The following SLC22A4 variants were observed in gnomAD, a reference collection of about 807,000 sequenced individuals.
SLC22A4 encodes solute carrier family 22 member 4, also known as ET transporter.
SLC22A4 carries 39 observed loss-of-function variants against 56.6 expected under a neutral mutation model. The ratio of observed to expected loss-of-function variants is 0.69; its 90% CI spans 0.53 to 0.90. SLC22A4 has a LOEUF of 0.90. Ranked by LOEUF, SLC22A4 falls within the 40% of genes least tolerant of loss-of-function variation. The pLI, the probability that SLC22A4 is intolerant of heterozygous loss-of-function variation, is 0.00. For synonymous variants in SLC22A4, 241 were observed against 281.4 expected (o/e 0.86, Z 1.44); for missense variants, 594 against 696.5 (o/e 0.85, Z 1.66).
intron 1 of SLC22A4, among the ~76,000 whole-genome samples, chr5:132,299,290 G>A (rs1344999412): frequency 6.6e-6 from 1 of 152,200 alleles, no homozygotes; most frequent in Admixed American, 6.5e-5. Flanking sequence ...GAGTGCATTC[G>A]TCTGTGTGTG....
chr5:132,298,906 G>A (rs1162297783), intron 1 of SLC22A4, among the ~76,000 whole-genome samples: 1 of 152,218 alleles, frequency 6.6e-6, no homozygotes, highest in African/African-American at 2.4e-5. Flanking sequence ...ACTTGCTGGA[G>A]GCTGAGCCCC....
chr5:132,321,005 G>C (rs1295458326), intron 3 of SLC22A4: 1 of 152,226 alleles, frequency 6.6e-6, no homozygotes, highest in Non-Finnish European at 1.5e-5. Context: ...AAGGAGCTTT[G>C]TTCTTGGACT....
intron 5 of SLC22A4, among the ~76,000 whole-genome samples, chr5:132,328,917 A>G (rs617209): frequency 1.8e-4 from 8 of 45,142 alleles, no homozygotes; most frequent in Non-Finnish European, 3.1e-4. Flanking sequence ...ATATATATAT[A>G]TATATATATA....
At position 132,331,775 on chromosome 5, in the gene SLC22A4, A is replaced by G. The variant is rs1223512276; in HGVS notation, c.971A>G (p.Gln324Arg). ...DSVEELNPLK[Q>R]QKAFILDLFR... ...TTACAGGAGCTAAATCCCCTGAAGCAGCAGAAAGCTTTCATTCTGGACCTG... is the reference window on the plus strand; with the variant it reads ...TTACAGGAGCTAAATCCCCTGAAGCGGCAGAAAGCTTTCATTCTGGACCTG... The change falls in exon 6 of 10, where the codon CAG becomes CGG. Residue 324 changes from glutamine to arginine, a missense_variant. Gln to Arg is a conservative substitution (Grantham distance 43). Transcript: ENST00000200652. The G allele has an allele frequency of 6.2e-7, 1 of 1,613,350 alleles. No homozygotes were observed. Among genetic ancestry groups the G allele is most frequent in the Non-Finnish European group, 8.5e-7 (1 of 1,179,372 alleles).
chr5:132,312,025 CTTTGTACA>C, intron 1 of SLC22A4, 128 bp from the exon 2 acceptor site: 1 of 769,216 alleles, frequency 1.3e-6, no homozygotes, highest in South Asian at 1.4e-5. Flanking sequence ...GGCCTATGCC[CTTTGTACA>C]AAGGCAATAT....
intron 5 of SLC22A4, among the ~76,000 whole-genome samples, chr5:132,330,709 A>G (rs1750833438): frequency 6.6e-6 from 1 of 152,052 alleles, no homozygotes; most frequent in African/African-American, 2.4e-5. Flanking sequence ...CTGGGCAACA[A>G]GAGTGAAACT....
At chr5:132,336,154 C>G (rs1283570690) in intron 8 of SLC22A4, among the ~76,000 whole-genome samples, 154 bp downstream of exon 8, 2 of 151,882 alleles carry the variant, frequency 1.3e-5, no homozygotes, top group Non-Finnish European at 2.9e-5. Flanking sequence ...GAAAGCCAAT[C>G]ACAAACTGGT....
intron 8 of SLC22A4, among the ~76,000 whole-genome samples, chr5:132,338,101 C>T (rs1751082087): frequency 6.6e-6 from 1 of 152,080 alleles, no homozygotes; most frequent in Non-Finnish European, 1.5e-5. Context: ...TGATAATTCA[C>T]ATAGGTTCTT....
intron 3 of SLC22A4, among the ~76,000 whole-genome samples, chr5:132,317,925 G>A (rs886822732): frequency 4.1e-4 from 62 of 152,354 alleles, no homozygotes; most frequent in African/African-American, 1.3e-3. Context: ...GCATTGCACC[G>A]TAAGAGGGAA....
intron 5 of SLC22A4, among the ~76,000 whole-genome samples, chr5:132,327,859 C>T (rs1425475020): frequency 6.6e-6 from 1 of 152,148 alleles, no homozygotes; most frequent in Non-Finnish European, 1.5e-5. Flanking sequence ...ATGTCTAGAA[C>T]CTTAAGGCCT....
rs766127231 is a variant in SLC22A4 at position 132,294,802 on chromosome 5, GCGCAA to G, written c.188_192del (p.Arg63GlnfsTer73). On this transcript the variant is annotated frameshift_variant, in exon 1 of 10. Transcript: ENST00000200652. LOFTEE classifies it high-confidence loss of function. The surrounding 1 kb of genome is among the most constrained non-coding windows in gnomAD (Gnocchi z 5.6). ...ACGCCGCGAACCTGAGCAGCGCCTGGCGCAACAACAGTGTCCCGCTGCGGCTGCGG... is the reference window on the plus strand; with the variant it reads ...ACGCCGCGAACCTGAGCAGCGCCTGGCAACAGTGTCCCGCTGCGGCTGCGG... 6.2e-7 allele frequency: 1 copy of G among 1,612,984 alleles called. No homozygotes were observed.
chr5:132,321,800 C>T (rs1033961339), intron 3 of SLC22A4, among the ~76,000 whole-genome samples: 3 of 151,908 alleles, frequency 2.0e-5, no homozygotes, highest in Admixed American at 6.6e-5. Context: ...TCCAGCTGTT[C>T]GGAAGGCTGA....
intron 4 of SLC22A4, among the ~76,000 whole-genome samples, chr5:132,326,315 A>G (rs992601917): frequency 7.7e-4 from 117 of 152,344 alleles, no homozygotes; most frequent in African/African-American, 2.6e-3. Context: ...AAAATTTTCT[A>G]ACACAAAACC....
intron 1 of SLC22A4, among the ~76,000 whole-genome samples, chr5:132,304,530 T>C (rs904448363): frequency 6.6e-6 from 1 of 152,130 alleles, no homozygotes; most frequent in Admixed American, 6.5e-5. Flanking sequence ...GGCAGGAGAA[T>C]TGCTGGAACC....
chr5:132,310,530 C>T (rs1018056036), intron 1 of SLC22A4, among the ~76,000 whole-genome samples: 24 of 152,218 alleles, frequency 1.6e-4, no homozygotes, highest in African/African-American at 5.5e-4. Context: ...GCGAGGCAAT[C>T]CTGCTCTGGG....
At chr5:132,314,463 AGT>A (rs1261538101) in intron 3 of SLC22A4, among the ~76,000 whole-genome samples, 1 of 152,080 alleles carries the variant, frequency 6.6e-6, no homozygotes, top group Non-Finnish European at 1.5e-5. Flanking sequence ...GGAGTGAGAG[AGT>A]GTGTTCTCTT....
intron 1 of SLC22A4, among the ~76,000 whole-genome samples, chr5:132,304,086 C>A (rs1402032471): frequency 6.6e-6 from 1 of 152,200 alleles, no homozygotes; most frequent in Admixed American, 6.5e-5. Flanking sequence ...CAGGAAAAAA[C>A]AGAAAACAAA....
chr5:132,338,772 A>C (rs1751107421), intron 8 of SLC22A4, among the ~76,000 whole-genome samples: 1 of 152,238 alleles, frequency 6.6e-6, no homozygotes, highest in Non-Finnish European at 1.5e-5. Context: ...TGTTCCCTGA[A>C]CATTGCTGTT....
intron 1 of SLC22A4, among the ~76,000 whole-genome samples, chr5:132,308,005 T>C (rs922830624): frequency 6.6e-6 from 1 of 152,240 alleles, no homozygotes; most frequent in Non-Finnish European, 1.5e-5. Context: ...TCCTAATTAA[T>C]TGTTCAATAT....
Sources: gnomAD v4.1 joint callset for allele counts (sites outside exome capture counted in the v4.1 genomes callset) on GRCh38, gnomAD v4.1.1 for gene constraint, Gnocchi (gnomAD v3.1) non-coding constraint, MANE v1.5 for transcripts, NCBI Gene and HGNC (gene_info 2026-07-23, HGNC 2026-07-21) for gene names.